The following FSTL5 variants were observed in gnomAD, a reference collection of about 807,000 sequenced individuals.
FSTL5 encodes the protein follistatin like 5, also known as follistatin-related protein 5.
A neutral mutation model predicts 89.1 loss-of-function variants in FSTL5; 62 were observed. The ratio of observed to expected loss-of-function variants is 0.70; its 90% CI spans 0.57 to 0.86. The LOEUF (loss-of-function observed/expected upper bound fraction) is 0.86, where lower values mean the gene tolerates loss of function less well. Ranked by LOEUF, FSTL5 falls within the 40% of genes least tolerant of loss-of-function variation. The pLI is 0.00. For synonymous variants in FSTL5, 383 were observed against 346.2 expected (o/e 1.11, Z -1.18); for missense variants, 1,057 against 1,001.6 (o/e 1.06, Z -0.75).
intron 12 of FSTL5, among the ~76,000 whole-genome samples, chr4:161,485,713 T>G (rs1378314419): frequency 6.6e-6 from 1 of 152,056 alleles, no homozygotes; most frequent in Non-Finnish European, 1.5e-5. Flanking sequence ...AAATTCATAA[T>G]AAAAATATTC....
At chr4:161,847,094 CTATT>C (rs1731391252) in intron 4 of FSTL5, among the ~76,000 whole-genome samples, 1 of 151,958 alleles carries the variant, frequency 6.6e-6, no homozygotes, top group South Asian at 2.1e-4. Context: ...AAAATAAATA[CTATT>C]TAATGTCAGA....
intron 3 of FSTL5, among the ~76,000 whole-genome samples, chr4:161,986,505 T>C (rs1735967230): frequency 6.6e-6 from 1 of 152,176 alleles, no homozygotes; most frequent in South Asian, 2.1e-4. Context: ...TGAGCCGAGA[T>C]TGTGCCACTG....
intron 4 of FSTL5, among the ~76,000 whole-genome samples, chr4:161,905,061 A>T (rs1306983796): frequency 6.6e-6 from 1 of 152,038 alleles, no homozygotes; most frequent in Admixed American, 6.6e-5. Flanking sequence ...TGAATTTATC[A>T]TTGTACAACT....
intron 5 of FSTL5, among the ~76,000 whole-genome samples, chr4:161,769,691 C>G (rs1741142002): frequency 6.6e-6 from 1 of 151,518 alleles, no homozygotes; most frequent in Non-Finnish European, 1.5e-5. Context: ...TACAACAAAC[C>G]CACAGCTAGC....
In FSTL5 at chr4:161,956,542, C is replaced by A. The variant is rs546966720; in HGVS notation, c.161-35890G>T. On this transcript the variant is annotated intron_variant, in intron 3 of 15. Coordinates refer to ENST00000306100, the MANE Select transcript of FSTL5 (RefSeq NM_020116.5). ...AAATATTTGCAACACACTAAAGACA[C>A]AAAAGATTAGTATCTATTAGGTTGG... Among the ~76,000 whole-genome samples the A allele has an allele frequency of 4.0e-5, 6 of 151,874 alleles. No individual in the cohort carries two copies. The South Asian group carries it at 1.2e-3, about 32-fold the overall frequency.
intron 6 of FSTL5, among the ~76,000 whole-genome samples, chr4:161,682,718 TG>T (rs1737566301): frequency 6.6e-6 from 1 of 152,068 alleles, no homozygotes; most frequent in Non-Finnish European, 1.5e-5. Context: ...CTGAAAGACC[TG>T]GCTGAGGCTG....
chr4:161,670,012 A>G (rs1470768940), intron 6 of FSTL5, among the ~76,000 whole-genome samples: 1 of 152,168 alleles, frequency 6.6e-6, no homozygotes, highest in Non-Finnish European at 1.5e-5. Context: ...TTCCTGTATG[A>G]TTTATTGGTG....
chr4:161,440,448 G>C (rs577784006), intron 15 of FSTL5, among the ~76,000 whole-genome samples: 47 of 152,082 alleles, frequency 3.1e-4, no homozygotes, highest in Non-Finnish European at 6.5e-4. Context: ...CATAAATTTT[G>C]TGATATCTCC....
At chr4:161,415,405 A>C (rs953846612) in intron 15 of FSTL5, among the ~76,000 whole-genome samples, 1 of 152,094 alleles carries the variant, frequency 6.6e-6, no homozygotes, top group Admixed American at 6.5e-5. Flanking sequence ...ACAGGCACCC[A>C]CCATCATGCC....
intron 3 of FSTL5, among the ~76,000 whole-genome samples, chr4:162,029,158 A>G (rs1273552717): frequency 9.1e-6 from 1 of 110,132 alleles, no homozygotes; most frequent in Non-Finnish European, 1.9e-5. Flanking sequence ...AGAGAGAGAG[A>G]GAGAGAGAGT....
intron 3 of FSTL5, among the ~76,000 whole-genome samples, chr4:162,026,489 G>T (rs1578959872): frequency 1.3e-5 from 2 of 151,490 alleles, no homozygotes; most frequent in African/African-American, 4.8e-5. Flanking sequence ...TGTATTTTTA[G>T]TAGAGACGGA....
At chr4:161,930,764 C>T (rs1734263930) in intron 3 of FSTL5, among the ~76,000 whole-genome samples, 2 of 151,846 alleles carry the variant, frequency 1.3e-5, no homozygotes, top group African/African-American at 2.4e-5. Context: ...AAATCCATTT[C>T]ATAACTAATT....
chr4:161,615,069 C>A (rs1462878997), intron 7 of FSTL5, among the ~76,000 whole-genome samples: 3 of 151,742 alleles, frequency 2.0e-5, no homozygotes, highest in African/African-American at 4.8e-5. Flanking sequence ...CCAAAGCAGG[C>A]GCATCACAAG....
chr4:161,512,201 T>C (rs1402548154), intron 10 of FSTL5, among the ~76,000 whole-genome samples: 6 of 152,126 alleles, frequency 3.9e-5, no homozygotes. Flanking sequence ...CTCTGGCCTA[T>C]ACAAAAATAA....
At chr4:161,829,993 G>C (rs909605633) in intron 4 of FSTL5, among the ~76,000 whole-genome samples, 1 of 152,144 alleles carries the variant, frequency 6.6e-6, no homozygotes, top group Admixed American at 6.5e-5. Context: ...ATACTAGAAT[G>C]CAAAGATCCA....
chr4:161,863,168 A>G (rs1354361555), intron 4 of FSTL5, among the ~76,000 whole-genome samples: 1 of 152,228 alleles, frequency 6.6e-6, no homozygotes, highest in African/African-American at 2.4e-5. Context: ...ATGAAGCAAG[A>G]ACAATACAAG....
At chr4:161,879,268 C>T (rs983760807) in intron 4 of FSTL5, among the ~76,000 whole-genome samples, 1 of 152,158 alleles carries the variant, frequency 6.6e-6, no homozygotes, top group African/African-American at 2.4e-5. Flanking sequence ...TATAAAATTG[C>T]TTTAAACAAG....
At chr4:161,619,773 C>T (rs1006894350) in intron 7 of FSTL5, among the ~76,000 whole-genome samples, 11 of 152,224 alleles carry the variant, frequency 7.2e-5, no homozygotes, top group African/African-American at 2.4e-4. Context: ...TTGTGGAAGT[C>T]AGTGTGGCGA....
intron 15 of FSTL5, among the ~76,000 whole-genome samples, chr4:161,412,350 A>G (rs1037357103): frequency 6.6e-6 from 1 of 152,086 alleles, no homozygotes; most frequent in Non-Finnish European, 1.5e-5. Context: ...CCTAAAATTC[A>G]TATAGAACCA....
Sources: gnomAD v4.1 joint callset for allele counts (sites outside exome capture counted in the v4.1 genomes callset) on GRCh38, gnomAD v4.1.1 for gene constraint, MANE v1.5 for transcripts, NCBI Gene and HGNC (gene_info 2026-07-23, HGNC 2026-07-21) for gene names.